STPG2: variants seen among roughly 807,000 people sequenced by gnomAD.
The protein encoded by STPG2 is sperm-tail PG-rich repeat-containing protein 2.
STPG2 carries 56 observed loss-of-function variants against 54.2 expected under a neutral mutation model. The ratio of observed to expected loss-of-function variants is 1.03; its 90% CI spans 0.83 to 1.29. The LOEUF (loss-of-function observed/expected upper bound fraction) is 1.29, where lower values mean the gene tolerates loss of function less well. STPG2 is among the 50% of genes most tolerant of loss of function. The pLI is 0.00. For synonymous variants in STPG2, 200 were observed against 181.8 expected, an observed-to-expected ratio of 1.10 and a Z score of -0.81; for missense variants, 596 against 544.9, an observed-to-expected ratio of 1.09 and a Z score of -0.93.
intron 8 of STPG2, among the ~76,000 whole-genome samples, chr4:97,867,039 C>T (rs914504711): frequency 1.3e-5 from 2 of 151,938 alleles, no homozygotes; most frequent in African/African-American, 4.8e-5. Context: ...AAGCAGTTCC[C>T]ATGCTAGCCC....
chr4:97,956,156 T>C (rs1231290124), intron 7 of STPG2, among the ~76,000 whole-genome samples: 1 of 152,098 alleles, frequency 6.6e-6, no homozygotes, highest in Non-Finnish European at 1.5e-5. Flanking sequence ...AAATACAAGA[T>C]AACAAAATGG....
intron 5 of STPG2, among the ~76,000 whole-genome samples, chr4:98,064,063 A>G (rs1430728954): frequency 6.6e-6 from 1 of 152,194 alleles, no homozygotes; most frequent in Non-Finnish European, 1.5e-5. Flanking sequence ...ATATAAAGCT[A>G]TGCTAATAAA....
chr4:97,843,614 C>G (rs1446598717), intron 8 of STPG2, among the ~76,000 whole-genome samples: 2 of 151,738 alleles, frequency 1.3e-5, no homozygotes, highest in African/African-American at 4.8e-5. Context: ...GATATCAAAA[C>G]GGAATTCCCT....
intron 8 of STPG2, among the ~76,000 whole-genome samples, chr4:97,888,044 G>A (rs1730642222): frequency 6.6e-6 from 1 of 152,204 alleles, no homozygotes; most frequent in Non-Finnish European, 1.5e-5. Flanking sequence ...TGCAAGAGTT[G>A]AGTCATGGGC....
chr4:97,697,877 C>A (rs1723635927), intron 10 of STPG2, among the ~76,000 whole-genome samples: 1 of 152,186 alleles, frequency 6.6e-6, no homozygotes, highest in African/African-American at 2.4e-5. Context: ...AGAACCCATC[C>A]CTTTGTTTCG....
At chr4:97,607,325 T>A (rs771887101) in intron 10 of STPG2, among the ~76,000 whole-genome samples, 8 of 152,048 alleles carry the variant, frequency 5.3e-5, no homozygotes, top group Non-Finnish European at 8.8e-5. Context: ...TTCATTAGGA[T>A]CCCAGACTTA....
At chr4:97,598,091 C>A (rs915416036) in intron 10 of STPG2, among the ~76,000 whole-genome samples, 1 of 151,714 alleles carries the variant, frequency 6.6e-6, no homozygotes, top group African/African-American at 2.4e-5. Context: ...CATACACCAA[C>A]AACATCCAAG....
chr4:97,707,824 A>G (rs969245026), intron 10 of STPG2, among the ~76,000 whole-genome samples: 2 of 152,188 alleles, frequency 1.3e-5, no homozygotes, highest in African/African-American at 4.8e-5. Flanking sequence ...AACCATATCC[A>G]AATCAAAAGA....
chr4:97,476,928 C>A (rs965131297), intron 4 of STPG2, among the ~76,000 whole-genome samples: 1 of 152,138 alleles, frequency 6.6e-6, no homozygotes, highest in Non-Finnish European at 1.5e-5. Context: ...CAAATGACAT[C>A]TTCAAATGGA....
intron 10 of STPG2, among the ~76,000 whole-genome samples, chr4:97,598,616 T>C (rs1263168987): frequency 1.3e-5 from 2 of 150,222 alleles, no homozygotes; most frequent in African/African-American, 4.9e-5. Context: ...AATATCAAGC[T>C]GCACACCTAC....
At chr4:97,658,608 T>C (rs947480386) in intron 10 of STPG2, among the ~76,000 whole-genome samples, 1 of 152,142 alleles carries the variant, frequency 6.6e-6, no homozygotes, top group Non-Finnish European at 1.5e-5. Context: ...ATCTCAGCAG[T>C]AGTCACATTT....
At chr4:97,766,738 C>T (rs165244) in intron 9 of STPG2, among the ~76,000 whole-genome samples, 83,417 of 151,788 alleles carry the variant, frequency 0.55, 23,231 homozygotes, top group East Asian at 0.74. Context: ...TTTTATTTTG[C>T]TTTTGTTTTT....
At chr4:97,513,176 G>A (rs1167659520) in intron 4 of STPG2, among the ~76,000 whole-genome samples, 1 of 152,046 alleles carries the variant, frequency 6.6e-6, no homozygotes, top group Admixed American at 6.6e-5. Flanking sequence ...ATATTACGAA[G>A]GATAAATTGC....
At chr4:97,637,624 TG>T in intron 10 of STPG2, among the ~76,000 whole-genome samples, 1 of 152,210 alleles carries the variant, frequency 6.6e-6, no homozygotes, top group East Asian at 1.9e-4. Flanking sequence ...CTCCTTAAGC[TG>T]ATAAGCAACT....
chr4:97,622,790 T>C (rs1259815965), intron 10 of STPG2, among the ~76,000 whole-genome samples: 2 of 151,864 alleles, frequency 1.3e-5, no homozygotes, highest in Non-Finnish European at 2.9e-5. Context: ...TATGGGACCA[T>C]AAAAGAGCCC....
At chr4:97,747,014 A>C (rs897385047) in intron 9 of STPG2, among the ~76,000 whole-genome samples, 1 of 68,968 alleles carries the variant, frequency 1.4e-5, no homozygotes, top group Non-Finnish European at 4.2e-5. Context: ...TTTTTATACA[A>C]AAAAAAAAAA....
chr4:98,016,782 A>T (rs13136930), intron 5 of STPG2, among the ~76,000 whole-genome samples: 59,955 of 151,900 alleles, frequency 0.39, 12,062 homozygotes, highest in Middle Eastern at 0.46. Flanking sequence ...TAGTTCCTGA[A>T]GCTTTATTTT....
chr4:97,653,099 ATAGATAGATAGATAGG>A (rs1201043814), intron 10 of STPG2, among the ~76,000 whole-genome samples: 18 of 145,744 alleles, frequency 1.2e-4, no homozygotes, highest in African/African-American at 2.1e-4. Flanking sequence ...TAGATGATAG[ATAGATAGATAGATAGG>A]TAGATAGATA....
At chr4:97,820,807 A>G (rs898039246) in intron 9 of STPG2, among the ~76,000 whole-genome samples, 2 of 152,060 alleles carry the variant, frequency 1.3e-5, no homozygotes, top group African/African-American at 4.8e-5. Flanking sequence ...ACACACTTTA[A>G]AAAACCAGAT....
Sources: gnomAD v4.1 joint callset for allele counts (sites outside exome capture counted in the v4.1 genomes callset) on GRCh38, gnomAD v4.1.1 for gene constraint, MANE v1.5 for transcripts, NCBI Gene and HGNC (gene_info 2026-07-23, HGNC 2026-07-21) for gene names.